Variants in RANBP2 observed in about 807,000 individuals in gnomAD.
RANBP2 encodes the protein E3 SUMO-protein ligase RanBP2.
In RANBP2, 57 loss-of-function variants were observed where a neutral mutation model predicts 303.6. That is an observed-to-expected ratio of 0.19 (90% CI 0.15 to 0.23). The LOEUF (loss-of-function observed/expected upper bound fraction) is 0.23. Among genes scored for constraint, RANBP2 ranks in the 10% least tolerant of loss-of-function variants. The probability of loss-of-function intolerance (pLI) is 1.00; values close to 1 mark genes in which losing one functional copy is unlikely to be tolerated. For missense variants in RANBP2, 3,138 were observed against 3,780.8 expected, an observed-to-expected ratio of 0.83 and a Z score of 4.46; for synonymous variants, 1,167 against 1,301.5, an observed-to-expected ratio of 0.90 and a Z score of 2.23.
chr2:108,723,542 C>T (rs1347699431), intron 1 of RANBP2, among the ~76,000 whole-genome samples: 4 of 152,028 alleles, frequency 2.6e-5, no homozygotes, highest in Admixed American at 6.6e-5. Context: ...CCCAAAGTGC[C>T]GGGGTTACAG....
chr2:108,719,722 C>T (rs1414731152), intron 1 of RANBP2, 44 bp downstream of exon 1: 2 of 1,556,818 alleles, frequency 1.3e-6, no homozygotes, highest in Non-Finnish European at 1.7e-6. Context: ...CCTGGCCGGG[C>T]GGCGGCCTCG....
the RANBP2 span, among the ~76,000 whole-genome samples, chr2:109,351,406 T>A: frequency 6.6e-6 from 1 of 152,210 alleles, no homozygotes; most frequent in Admixed American, 6.5e-5. Context: ...ATAAATAAAT[T>A]GTGGAGCCTA....
the RANBP2 span, among the ~76,000 whole-genome samples, chr2:109,740,283 G>A: frequency 2.0e-5 from 3 of 151,830 alleles, no homozygotes; most frequent in African/African-American, 7.3e-5. Flanking sequence ...CACTGCGCCC[G>A]GCCAAGAAGA....
the RANBP2 span, among the ~76,000 whole-genome samples, chr2:109,760,917 C>T: frequency 7.4e-6 from 1 of 134,684 alleles, no homozygotes; most frequent in African/African-American, 2.8e-5. Context: ...CTCGCCAGCC[C>T]TTTTCTGCCT....
At chr2:108,846,525 A>G in the RANBP2 span, among the ~76,000 whole-genome samples, 1 of 151,652 alleles carries the variant, frequency 6.6e-6, no homozygotes, top group Non-Finnish European at 1.5e-5. Context: ...CGAAAAAAAA[A>G]AAAAACCTGA....
At chr2:109,649,609 A>T in the RANBP2 span, among the ~76,000 whole-genome samples, 1 of 152,056 alleles carries the variant, frequency 6.6e-6, no homozygotes, top group African/African-American at 2.4e-5. Flanking sequence ...TGTTAGCCAG[A>T]CTGGTCTCAA....
chr2:108,823,594 C>A, the RANBP2 span, among the ~76,000 whole-genome samples: 1 of 152,198 alleles, frequency 6.6e-6, no homozygotes, highest in African/African-American at 2.4e-5. Context: ...ATTTGCTATG[C>A]AGAATATCTT....
chr2:108,929,101 A>G, the RANBP2 span: 11 of 1,395,134 alleles, frequency 7.9e-6, no homozygotes, highest in South Asian at 1.3e-4. Context: ...CGAGGCCTGC[A>G]GTATCCATGA....
In RANBP2 at chr2:108,740,475, T is replaced by A. The variant is rs374671593; in HGVS notation, c.783-14T>A. The A allele has an allele frequency of 6.9e-6, 11 of 1,597,456 alleles. No individual in the cohort carries two copies. The African/African-American group carries it at 8.0e-5, about 12-fold the overall frequency. ...GTAAGTGTGTATTATCTGTTTGATATTTTCATATTACAGTTTTGATAGTGC... is the reference window on the plus strand; with the variant it reads ...GTAAGTGTGTATTATCTGTTTGATAATTTCATATTACAGTTTTGATAGTGC... On this transcript the variant is annotated splice_polypyrimidine_tract_variant and intron_variant, in intron 6 of 28. Transcript: ENST00000283195.
chr2:109,072,912 T>G, the RANBP2 span, among the ~76,000 whole-genome samples: 1 of 151,798 alleles, frequency 6.6e-6, no homozygotes. Flanking sequence ...ACAAACACAC[T>G]GGTTTGAGAG....
chr2:109,248,903 TCCTGTCCTGTCCTG>T, the RANBP2 span, among the ~76,000 whole-genome samples: 6 of 52,902 alleles, frequency 1.1e-4, no homozygotes, highest in African/African-American at 2.0e-4. Flanking sequence ...TCCTGTCCTG[TCCTGTCCTGTCCTG>T]TCCTGTCCTG....
chr2:108,768,766 C>T (rs1276613017), intron 20 of RANBP2, among the ~76,000 whole-genome samples: 5 of 152,070 alleles, frequency 3.3e-5, no homozygotes, highest in African/African-American at 1.2e-4. Context: ...GGCACGGTGG[C>T]TCACTCCTAG....
chr2:109,055,570 G>A, the RANBP2 span, among the ~76,000 whole-genome samples: 1 of 149,316 alleles, frequency 6.7e-6, no homozygotes, highest in Non-Finnish European at 1.5e-5. Flanking sequence ...TATTTTAGTA[G>A]AGACAGGGTT....
the RANBP2 span, among the ~76,000 whole-genome samples, chr2:109,624,618 C>T: frequency 6.6e-6 from 1 of 152,204 alleles, no homozygotes; most frequent in Non-Finnish European, 1.5e-5. Context: ...GCAAAGAGAA[C>T]TCTCATACAC....
intron 6 of RANBP2, among the ~76,000 whole-genome samples, chr2:108,738,003 C>T (rs1279143232): frequency 1.1e-4 from 17 of 150,540 alleles, no homozygotes; most frequent in East Asian, 2.0e-4. Context: ...CGTGAGCCAC[C>T]GCGCCCAGCC....
At chr2:109,540,798 CA>C in the RANBP2 span, among the ~76,000 whole-genome samples, 129 of 131,188 alleles carry the variant, frequency 9.8e-4, 1 homozygote, top group East Asian at 0.012. Context: ...AAGACCCTGT[CA>C]AAAAAAAAAA....
chr2:109,671,322 C>T, the RANBP2 span, among the ~76,000 whole-genome samples: 7 of 152,038 alleles, frequency 4.6e-5, no homozygotes, highest in Non-Finnish European at 7.4e-5. Context: ...GTGGCAGTAG[C>T]CATGTGGTAG....
At chr2:109,494,674 C>T in the RANBP2 span, among the ~76,000 whole-genome samples, 1 of 152,108 alleles carries the variant, frequency 6.6e-6, no homozygotes, top group Non-Finnish European at 1.5e-5. Context: ...TGTGCAAGGC[C>T]CACCTGTGAT....
At chr2:109,397,073 A>G in the RANBP2 span, among the ~76,000 whole-genome samples, 1 of 152,154 alleles carries the variant, frequency 6.6e-6, no homozygotes, top group South Asian at 2.1e-4. Flanking sequence ...GGTGCCCTAC[A>G]GCACAGAGCC....
Sources: gnomAD v4.1 joint callset for allele counts (sites outside exome capture counted in the v4.1 genomes callset) on GRCh38, gnomAD v4.1.1 for gene constraint, MANE v1.5 for transcripts, NCBI Gene and HGNC (gene_info 2026-07-23, HGNC 2026-07-21) for gene names.